Variants in UVRAG observed in about 807,000 individuals in gnomAD.
The protein encoded by UVRAG is UV radiation resistance-associated gene protein.
In UVRAG, 19 loss-of-function variants were observed where a neutral mutation model predicts 78.0. The observed-to-expected ratio is 0.24, with a 90% CI of 0.17 to 0.36. The LOEUF (loss-of-function observed/expected upper bound fraction) is 0.36. UVRAG is among the 10% of genes least tolerant of loss of function. The pLI, the probability that UVRAG is intolerant of heterozygous loss-of-function variation, is 1.00. For missense variants in UVRAG, 740 were observed against 853.8 expected (o/e 0.87, Z 1.66); for synonymous variants, 323 against 324.6 (o/e 1.00, Z 0.05).
intron 1 of UVRAG, among the ~76,000 whole-genome samples, chr11:75,850,867 T>G (rs1238659622): frequency 6.6e-6 from 1 of 152,210 alleles, no homozygotes; most frequent in Non-Finnish European, 1.5e-5. Flanking sequence ...TAACCTTCTC[T>G]CTCAAAGAAT....
intron 13 of UVRAG, among the ~76,000 whole-genome samples, chr11:76,066,778 T>C (rs1236199048): frequency 1.3e-5 from 2 of 152,236 alleles, no homozygotes; most frequent in African/African-American, 2.4e-5. Flanking sequence ...CCAGCCTATT[T>C]ATTTTTATAA....
At chr11:75,883,886 C>A (rs1947012877) in intron 4 of UVRAG, among the ~76,000 whole-genome samples, 1 of 152,214 alleles carries the variant, frequency 6.6e-6, no homozygotes, top group Non-Finnish European at 1.5e-5. Context: ...TGAGTAACCA[C>A]CACCATAATA....
chr11:75,960,608 AAT>A (rs1948891290), intron 6 of UVRAG, among the ~76,000 whole-genome samples: 1 of 152,098 alleles, frequency 6.6e-6, no homozygotes, highest in South Asian at 2.1e-4. Flanking sequence ...CTCTGCAAAA[AAT>A]ACAAAAATTA....
chr11:75,935,574 C>T (rs1484111149), intron 6 of UVRAG, among the ~76,000 whole-genome samples: 1 of 152,072 alleles, frequency 6.6e-6, no homozygotes, highest in African/African-American at 2.4e-5. Context: ...AATATGCTTC[C>T]TTGTGGAAGA....
intron 5 of UVRAG, among the ~76,000 whole-genome samples, chr11:75,910,155 G>A (rs1265568596): frequency 6.6e-6 from 1 of 152,158 alleles, no homozygotes; most frequent in African/African-American, 2.4e-5. Flanking sequence ...TAATTAAGTT[G>A]TCACAGTTAT....
intron 13 of UVRAG, among the ~76,000 whole-genome samples, chr11:76,071,249 T>C (rs1951302170): frequency 6.6e-6 from 1 of 152,158 alleles, no homozygotes; most frequent in Non-Finnish European, 1.5e-5. Flanking sequence ...GAAGTGACTG[T>C]TGAGCTTAGA....
At position 76,062,112 on chromosome 11, in the gene UVRAG, T is replaced by C. The variant is rs113884437; in HGVS notation, c.1227-3598T>C. Among the ~76,000 whole-genome samples the C allele has an allele frequency of 1.8e-3, 271 of 152,316 alleles. 1 individual carries two copies. Among genetic ancestry groups the C allele is most frequent in the African/African-American group, 6.3e-3 (260 of 41,558 alleles). On this transcript the variant is annotated intron_variant, in intron 12 of 14. Transcript: ENST00000356136. ...CTCCAGGCATTGCCCGGCTTGTGGC[T>C]GCATAACTAAGCTCTGCCTCCATCT...
intron 13 of UVRAG, among the ~76,000 whole-genome samples, chr11:76,113,481 A>G (rs1952120052): frequency 1.3e-5 from 2 of 152,210 alleles, no homozygotes; most frequent in African/African-American, 4.8e-5. Flanking sequence ...GGTAAAGAAG[A>G]AACAGCTAAA....
At chr11:75,937,370 T>C (rs1472009401) in intron 6 of UVRAG, among the ~76,000 whole-genome samples, 1 of 152,186 alleles carries the variant, frequency 6.6e-6, no homozygotes, top group African/African-American at 2.4e-5. Flanking sequence ...CTTCATTTCA[T>C]TTATTTTCGT....
intron 8 of UVRAG, among the ~76,000 whole-genome samples, chr11:75,986,658 G>A (rs1565105546): frequency 6.6e-6 from 1 of 152,144 alleles, no homozygotes; most frequent in Admixed American, 6.5e-5. Context: ...CATTGAAAGT[G>A]TATAATTCAG....
rs537339258 is a variant in UVRAG at position 76,142,147 on chromosome 11, C to A, written c.*734C>A. ...GCCCTCAGATTAGATGAAAAACTTGCTCCTGGTGGATCCCAAGGGACCCTC... is the reference window on the plus strand; with the variant it reads ...GCCCTCAGATTAGATGAAAAACTTGATCCTGGTGGATCCCAAGGGACCCTC... On this transcript the variant is annotated 3_prime_UTR_variant, in exon 15 of 15. Coordinates refer to ENST00000356136, the MANE Select transcript of UVRAG (RefSeq NM_003369.4). 1 of 152,242 alleles carries A rather than the reference C, an allele frequency of 6.6e-6. No homozygotes were observed. Among genetic ancestry groups the A allele is most frequent in the African/African-American group, 2.4e-5 (1 of 41,456 alleles). The allele number at this position is 152,242 out of a possible 1,614,324, so 9.4% of individuals were successfully genotyped here.
chr11:76,060,473 A>G (rs1951061788), intron 12 of UVRAG, among the ~76,000 whole-genome samples: 3 of 152,204 alleles, frequency 2.0e-5, no homozygotes. Context: ...GCACTTGAGG[A>G]GCCCTTCAGC....
intron 13 of UVRAG, among the ~76,000 whole-genome samples, chr11:76,079,398 T>C (rs1951458654): frequency 1.3e-5 from 2 of 151,996 alleles, no homozygotes; most frequent in South Asian, 4.2e-4. Flanking sequence ...GGCAGGAGGA[T>C]TGTTTGAGCC....
intron 13 of UVRAG, among the ~76,000 whole-genome samples, chr11:76,105,846 G>A (rs563801620): frequency 6.6e-6 from 1 of 152,306 alleles, no homozygotes; most frequent in South Asian, 2.1e-4. Context: ...ATCAAGTGCT[G>A]ATAACAGTAC....
intron 13 of UVRAG, among the ~76,000 whole-genome samples, chr11:76,078,804 C>T (rs1028899303): frequency 1.3e-5 from 2 of 150,646 alleles, no homozygotes; most frequent in East Asian, 1.9e-4. Flanking sequence ...TGGCGGACAC[C>T]TGTAGTCCCA....
intron 5 of UVRAG, among the ~76,000 whole-genome samples, chr11:75,898,556 T>C (rs1019750634): frequency 2.0e-5 from 3 of 152,184 alleles, no homozygotes; most frequent in African/African-American, 4.8e-5. Flanking sequence ...TAGGATGAGT[T>C]GTGGCAGAAC....
chr11:75,825,405 G>A (rs1945490780), intron 1 of UVRAG, among the ~76,000 whole-genome samples: 1 of 152,178 alleles, frequency 6.6e-6, no homozygotes. Flanking sequence ...GAGCCACTGT[G>A]CCTGGCCAGT....
In UVRAG at chr11:76,141,367, A is replaced by G; in HGVS notation, c.2054A>G (p.Glu685Gly). 1 of 1,614,142 alleles carries G rather than the reference A, an allele frequency of 6.2e-7. No homozygotes were observed. Reference protein sequence around the residue: ...EFSRRIYALNENVSSFRRPRR... With the variant: ...EFSRRIYALNGNVSSFRRPRR... Reference sequence around the variant, plus strand: ...TCCCGAAGGATCTATGCACTGAATGAAAACGTATCCAGCTTCCGCCGGCCG... The same window carrying G: ...TCCCGAAGGATCTATGCACTGAATGGAAACGTATCCAGCTTCCGCCGGCCG... Residue 685 changes from glutamate to glycine, a missense_variant, in exon 15 of 15, where the codon GAA becomes GGA. Glu to Gly is a moderately conservative substitution (Grantham distance 98). Transcript: ENST00000356136.
intron 13 of UVRAG, among the ~76,000 whole-genome samples, chr11:76,094,552 A>G (rs1430920273): frequency 3.9e-5 from 6 of 152,156 alleles, no homozygotes; most frequent in Non-Finnish European, 7.3e-5. Flanking sequence ...TAATTGGTCT[A>G]TTCAGGGATT....
Sources: gnomAD v4.1 joint callset for allele counts (sites outside exome capture counted in the v4.1 genomes callset) on GRCh38, gnomAD v4.1.1 for gene constraint, MANE v1.5 for transcripts, NCBI Gene and HGNC (gene_info 2026-07-23, HGNC 2026-07-21) for gene names.